Variants in PSG2 observed in about 807,000 individuals in gnomAD.
PSG2 encodes pregnancy-specific beta-1-glycoprotein 2.
A neutral mutation model predicts 36.2 loss-of-function variants in PSG2; 49 were observed. The observed-to-expected ratio is 1.35, with a 90% confidence interval of 1.08 to 1.72. The LOEUF (loss-of-function observed/expected upper bound fraction) is 1.72. Ranked by LOEUF, PSG2 falls within the 40% of genes most tolerant of loss-of-function variation. The pLI, the probability that PSG2 is intolerant of heterozygous loss-of-function variation, is 0.00. For missense variants in PSG2, 605 were observed against 407.2 expected, an observed-to-expected ratio of 1.49 and a Z score of -4.18; for synonymous variants, 261 against 155.6, an observed-to-expected ratio of 1.68 and a Z score of -5.04.
At chr19:43,070,228 G>A (rs2074369620) in intron 4 of PSG2, among the ~76,000 whole-genome samples, 1 of 151,568 alleles carries the variant, frequency 6.6e-6, no homozygotes, top group African/African-American at 2.4e-5. Context: ...TGGAAAAATT[G>A]GAGCTCTAGT....
chr19:43,072,368 A>G, intron 3 of PSG2: 3 of 1,612,678 alleles, frequency 1.9e-6, no homozygotes, highest in Non-Finnish European at 2.5e-6. Context: ...ATTCAGGGTG[A>G]CTGGGTCACT....
intron 1 of PSG2, chr19:43,081,934 A>G (rs1967983108): frequency 6.6e-6 from 1 of 151,896 alleles, no homozygotes; most frequent in Non-Finnish European, 1.5e-5. Flanking sequence ...TGATATAGTT[A>G]TTATTATCAT....
At chr19:43,070,321 C>G (rs1323856004) in intron 4 of PSG2, among the ~76,000 whole-genome samples, 1 of 151,540 alleles carries the variant, frequency 6.6e-6, no homozygotes, top group Admixed American at 6.6e-5. Context: ...AATAAATTAC[C>G]GTTTGATCCA....
intron 2 of PSG2, among the ~76,000 whole-genome samples, chr19:43,077,133 C>G (rs975382371): frequency 6.6e-6 from 1 of 151,512 alleles, no homozygotes; most frequent in Non-Finnish European, 1.5e-5. Flanking sequence ...ACTGATGATC[C>G]AAACATCTAA....
At chr19:43,073,804 C>G (rs1967852837) in intron 3 of PSG2, among the ~76,000 whole-genome samples, 1 of 151,496 alleles carries the variant, frequency 6.6e-6, no homozygotes, top group Admixed American at 6.6e-5. Flanking sequence ...ATGCATAAGA[C>G]TTAAGACAAA....
chr19:43,065,114 C>T (rs746516227), intron 5 of PSG2, among the ~76,000 whole-genome samples: 7 of 151,774 alleles, frequency 4.6e-5, no homozygotes, highest in Non-Finnish European at 1.0e-4. Context: ...GGATTGCAGG[C>T]GTGAGCCATC....
At chr19:43,080,746 C>G in intron 2 of PSG2, 135 bp downstream of exon 2, 2 of 1,557,948 alleles carry the variant, frequency 1.3e-6, no homozygotes, top group Non-Finnish European at 1.8e-6. Flanking sequence ...GTGTCCTGCA[C>G]TAAATGCCCA....
At position 43,064,503 on chromosome 19, in the gene PSG2, T is replaced by A. The variant is rs1173568417; in HGVS notation, c.*139A>T. The A allele has an allele frequency of 5.1e-6, 3 of 590,800 alleles. No homozygotes were observed. Among genetic ancestry groups the A allele is most frequent in the Non-Finnish European group, 9.3e-6 (3 of 321,402 alleles). 36.6% of individuals were successfully genotyped at this position (590,800 alleles called of 1,614,324 possible). On this transcript the variant is annotated 3_prime_UTR_variant, in exon 6 of 6. Transcript: ENST00000406487. ...GAATTTCATGAAGGTATCAGCCTGT[T>A]CATTAAAATTTTGAAAGTTCTTAGT... is the stretch of plus-strand genomic sequence containing the variant.
Position 43,064,597 on chromosome 19 carries a change from A to G in PSG2, c.*45T>C, listed in dbSNP as rs1431095463. 2.9e-5 allele frequency: 19 copies of G among 659,094 alleles called. No homozygotes were observed. In the Admixed American group the frequency reaches 3.5e-4, roughly 12 times the overall value. 40.8% of individuals were successfully genotyped at this position (659,094 alleles called of 1,614,324 possible). On this transcript the variant is annotated 3_prime_UTR_variant, in exon 6 of 6. Coordinates refer to ENST00000406487, the MANE Select transcript of PSG2 (RefSeq NM_031246.4). ...GTCCTTGTAAGAGACCTTTCCATAA[A>G]TCTCCTTGAAGAAAAAGCAATTTTG...
rs139097299 is a variant in PSG2, at chr19:43,068,420, G to T, written c.965-1820C>A. Among the ~76,000 whole-genome samples the T allele has an allele frequency of 5.1e-3, 764 of 149,034 alleles. 21 individuals are homozygous for T. The highest frequency in any genetic ancestry group is 0.018 in the African/African-American group (717 of 39,914). On this transcript the variant is annotated intron_variant, in intron 4 of 5. Coordinates refer to ENST00000406487, the MANE Select transcript of PSG2 (RefSeq NM_031246.4). ...CACAACTGTATTCCATCCTGGGCTG[G>T]CCTACAGAGTGACAGCCTGTCTCTC...
chr19:43,078,649 C>G (rs1024239632), intron 2 of PSG2, among the ~76,000 whole-genome samples: 4 of 151,534 alleles, frequency 2.6e-5, no homozygotes, highest in Non-Finnish European at 5.9e-5. Flanking sequence ...GTCCTGTGCC[C>G]CTGAAACTAT....
intron 3 of PSG2, among the ~76,000 whole-genome samples, chr19:43,072,950 C>T (rs1319716853): frequency 1.3e-5 from 2 of 151,722 alleles, no homozygotes; most frequent in African/African-American, 4.9e-5. Context: ...CTGGCTGGCT[C>T]ACCTTGGGTT....
chr19:43,072,881 G>A (rs1485060118), intron 3 of PSG2, among the ~76,000 whole-genome samples: 1 of 151,722 alleles, frequency 6.6e-6, no homozygotes, highest in Non-Finnish European at 1.5e-5. Flanking sequence ...GTCATGGACA[G>A]ACATGTCAGT....
rs1323410948 is a variant in PSG2, at chr19:43,081,057, T to C, written c.254A>G (p.Asp85Gly). 6.8e-6 allele frequency: 11 copies of C among 1,612,890 alleles called. No individual in the cohort carries two copies. Among genetic ancestry groups the C allele is most frequent in the Non-Finnish European group, 7.6e-6 (9 of 1,179,652 alleles). ...LYHYITSYVV[D>G]GQIIIYGPAY... ...AGGCCCATATATAATTATTTGACCGTCTACTACATATGATGTAATGTAATG... is the reference window on the plus strand; with the variant it reads ...AGGCCCATATATAATTATTTGACCGCCTACTACATATGATGTAATGTAATG... Residue 85 changes from aspartate (D) to glycine (G), a missense_variant, in exon 2 of 6, where the codon GAC becomes GGC. Physicochemically the swap from Asp to Gly is moderately conservative, Grantham distance 94. Coordinates refer to ENST00000406487, the MANE Select transcript of PSG2 (RefSeq NM_031246.4).
At chr19:43,066,715 AT>A in intron 4 of PSG2, 115 bp from the exon 5 acceptor site, 1 of 1,384,474 alleles carries the variant, frequency 7.2e-7, no homozygotes, top group Non-Finnish European at 1.0e-6. Flanking sequence ...CAAGGACCAC[AT>A]TATTTCTCTT....
At chr19:43,075,911 G>T (rs1215743879) in intron 2 of PSG2, among the ~76,000 whole-genome samples, 2 of 151,474 alleles carry the variant, frequency 1.3e-5, no homozygotes, top group Non-Finnish European at 1.5e-5. Flanking sequence ...CACAGCCCCT[G>T]GTGCCTCTCT....
In PSG2 at chr19:43,080,440, C is replaced by A. The variant is rs558779730; in HGVS notation, c.430+441G>T. On this transcript the variant is annotated intron_variant, in intron 2 of 5. Coordinates refer to ENST00000406487, the MANE Select transcript of PSG2 (RefSeq NM_031246.4). ...CCATGAAGCCACAACCCAGCCCTGGCACAGGCTCCTAAGCTTTATCTGGAG... is the reference window on the plus strand; with the variant it reads ...CCATGAAGCCACAACCCAGCCCTGGAACAGGCTCCTAAGCTTTATCTGGAG... Among the ~76,000 whole-genome samples, 34 of 151,826 alleles carry A rather than the reference C, an allele frequency of 2.2e-4. 1 individual carries two copies. The highest frequency in any genetic ancestry group is 2.0e-3 in the Admixed American group (31 of 15,270).
intron 2 of PSG2, 115 bp downstream of exon 2, chr19:43,080,766 A>G (rs1967959549): frequency 6.3e-7 from 1 of 1,592,044 alleles, no homozygotes; most frequent in Non-Finnish European, 8.6e-7. Flanking sequence ...AAACCCCAGC[A>G]TGGGACATAA....
chr19:43,064,853 A>T (rs1408981684), intron 5 of PSG2, among the ~76,000 whole-genome samples: 2 of 151,694 alleles, frequency 1.3e-5, no homozygotes, highest in African/African-American at 4.9e-5. Flanking sequence ...TTTTTTTCAG[A>T]TGGAGTCTCA....
Sources: gnomAD v4.1 joint callset for allele counts (sites outside exome capture counted in the v4.1 genomes callset) on GRCh38, gnomAD v4.1.1 for gene constraint, MANE v1.5 for transcripts, NCBI Gene and HGNC (gene_info 2026-07-23, HGNC 2026-07-21) for gene names.